The following RAP1GDS1 variants were observed in gnomAD, a reference collection of about 807,000 sequenced individuals.
The protein encoded by RAP1GDS1 is Rap1 GTPase-GDP dissociation stimulator 1.
In RAP1GDS1, 35 loss-of-function variants were observed where a neutral mutation model predicts 71.1. The ratio of observed to expected loss-of-function variants is 0.49; its 90% CI spans 0.38 to 0.65. The LOEUF is 0.65. Ranked by LOEUF, RAP1GDS1 falls within the 30% of genes least tolerant of loss-of-function variation. The probability of loss-of-function intolerance (pLI) is 0.00; values close to 1 mark genes in which losing one functional copy is unlikely to be tolerated. For synonymous variants in RAP1GDS1, 229 were observed against 243.1 expected, an observed-to-expected ratio of 0.94 and a Z score of 0.54; for missense variants, 663 against 706.1, an observed-to-expected ratio of 0.94 and a Z score of 0.69.
chr4:98,319,700 G>A (rs571008153), intron 2 of RAP1GDS1, among the ~76,000 whole-genome samples: 2 of 148,186 alleles, frequency 1.3e-5, no homozygotes, highest in South Asian at 2.1e-4. Flanking sequence ...GGAATCGCTT[G>A]AACTCGGTAG....
chr4:98,425,192 G>A (rs1749441825), intron 12 of RAP1GDS1, among the ~76,000 whole-genome samples: 1 of 152,120 alleles, frequency 6.6e-6, no homozygotes, highest in African/African-American at 2.4e-5. Flanking sequence ...AATACTGAGA[G>A]AATTCACCAC....
At chr4:98,292,273 A>G (rs1727069106) in intron 1 of RAP1GDS1, among the ~76,000 whole-genome samples, 2 of 151,938 alleles carry the variant, frequency 1.3e-5, no homozygotes, top group African/African-American at 4.8e-5. Flanking sequence ...GAATACAGGC[A>G]CATGCCACCA....
intron 7 of RAP1GDS1, among the ~76,000 whole-genome samples, chr4:98,412,493 C>T (rs537040438): frequency 6.6e-6 from 1 of 152,264 alleles, no homozygotes; most frequent in Non-Finnish European, 1.5e-5. Flanking sequence ...CCAGCCTGGG[C>T]AACGGAGCGA....
chr4:98,339,176 T>C (rs992390850), intron 2 of RAP1GDS1, among the ~76,000 whole-genome samples: 31 of 152,154 alleles, frequency 2.0e-4, no homozygotes, highest in African/African-American at 7.5e-4. Context: ...TCTGGCAGTG[T>C]CATAACTAAG....
In RAP1GDS1 at chr4:98,349,209, A is replaced by G. The variant is rs1225406359; in HGVS notation, c.236-3267A>G. 4.6e-5 allele frequency among the ~76,000 whole-genome samples: 7 copies of G among 152,302 alleles called. 1 individual carries two copies. Among genetic ancestry groups the G allele is most frequent in the African/African-American group, 1.4e-4 (6 of 41,576 alleles). On this transcript the variant is annotated intron_variant, in intron 3 of 14. Coordinates refer to ENST00000408927, the MANE Select transcript of RAP1GDS1 (RefSeq NM_001100427.2). ...ATGGCTAACCAGTTTTCCCAGCACCATTTGTTAAATAGGGAATCCTTTCCT... is the reference window on the plus strand; with the variant it reads ...ATGGCTAACCAGTTTTCCCAGCACCGTTTGTTAAATAGGGAATCCTTTCCT...
chr4:98,401,540 T>C (rs1207481252), intron 6 of RAP1GDS1, among the ~76,000 whole-genome samples: 1 of 152,176 alleles, frequency 6.6e-6, no homozygotes, highest in African/African-American at 2.4e-5. Flanking sequence ...CATGTATTTG[T>C]GAGGAAGAAG....
chr4:98,366,313 T>C (rs1454167899), intron 4 of RAP1GDS1, among the ~76,000 whole-genome samples: 1 of 152,172 alleles, frequency 6.6e-6, no homozygotes, highest in Admixed American at 6.5e-5. Flanking sequence ...AAGACATGAC[T>C]TGCTTCTCCT....
At position 98,308,295 on chromosome 4, in the gene RAP1GDS1, CACTA is replaced by C. The variant is rs1220461929; in HGVS notation, c.112+14781_112+14784del. ...CCACACACATATATATACACACACA[CACTA>C]TATATATATATATATATATATATAT... On this transcript the variant is annotated intron_variant, in intron 2 of 14. Transcript: ENST00000408927. 3.2e-3 allele frequency among the ~76,000 whole-genome samples: 233 copies of C among 72,102 alleles called. 2 individuals are homozygous for C. The highest frequency in any genetic ancestry group is 0.014 in the African/African-American group (228 of 16,762). 47.3% of individuals were successfully genotyped at this position (72,102 alleles called of 152,430 possible).
intron 12 of RAP1GDS1, among the ~76,000 whole-genome samples, chr4:98,427,485 G>T (rs1291986424): frequency 6.6e-6 from 1 of 152,056 alleles, no homozygotes; most frequent in Non-Finnish European, 1.5e-5. Flanking sequence ...CCTCCAAAAA[G>T]CTCCTAGAAC....
Position 98,416,738 on chromosome 4 carries a change from T to A in RAP1GDS1, c.764-7T>A, listed in dbSNP as rs1469179645. The A allele has an allele frequency of 6.3e-7, 1 of 1,589,590 alleles. No individual in the cohort carries two copies. The highest frequency in any genetic ancestry group is 8.6e-7 in the Non-Finnish European group (1 of 1,159,446). On this transcript the variant is annotated splice_region_variant and splice_polypyrimidine_tract_variant and intron_variant, in intron 7 of 14. Transcript: ENST00000408927. ...AGTTTGATTATTTTGTTCACGTTGT[T>A]CTTTAGATGCTATTAAACTACAGCT...
chr4:98,348,337 G>T (rs1736619785), intron 3 of RAP1GDS1, among the ~76,000 whole-genome samples: 1 of 152,138 alleles, frequency 6.6e-6, no homozygotes, highest in Non-Finnish European at 1.5e-5. Context: ...TGGTGTATAT[G>T]TGCCACATTT....
At chr4:98,343,089 T>C (rs769458653) in intron 2 of RAP1GDS1, 50 bp from the exon 3 acceptor site, 12 of 1,532,660 alleles carry the variant, frequency 7.8e-6, no homozygotes, top group South Asian at 7.4e-5. Context: ...TGGTTGTCAG[T>C]GTTAGCATTA....
intron 1 of RAP1GDS1, among the ~76,000 whole-genome samples, chr4:98,292,390 T>C (rs1202763092): frequency 6.6e-6 from 1 of 152,042 alleles, no homozygotes; most frequent in East Asian, 1.9e-4. Flanking sequence ...CACCTTGGCC[T>C]CCCAAAGTGA....
chr4:98,392,148 G>GAT, intron 6 of RAP1GDS1, 68 bp downstream of exon 6: 1 of 1,386,146 alleles, frequency 7.2e-7, no homozygotes, highest in Non-Finnish European at 9.8e-7. Flanking sequence ...TTTTTCTGTA[G>GAT]ATATTAAGAA....
chr4:98,439,865 T>C (rs549736873), intron 14 of RAP1GDS1, among the ~76,000 whole-genome samples: 1 of 152,356 alleles, frequency 6.6e-6, no homozygotes, highest in African/African-American at 2.4e-5. Flanking sequence ...GTTTTAACCA[T>C]TTTTAAGTAT....
chr4:98,299,833 T>G (rs1728314537), intron 2 of RAP1GDS1, among the ~76,000 whole-genome samples: 1 of 151,716 alleles, frequency 6.6e-6, no homozygotes, highest in Non-Finnish European at 1.5e-5. Flanking sequence ...ATTGGCCAGG[T>G]TGGTCTCGAA....
chr4:98,375,182 T>G (rs1254526995), intron 4 of RAP1GDS1, among the ~76,000 whole-genome samples: 3 of 152,134 alleles, frequency 2.0e-5, no homozygotes, highest in Non-Finnish European at 4.4e-5. Flanking sequence ...TTTTGCCTCT[T>G]TGTAGCTTCT....
At position 98,320,005 on chromosome 4, in the gene RAP1GDS1, A is replaced by G. The variant is rs76458901; in HGVS notation, c.113-23134A>G. On this transcript the variant is annotated intron_variant, in intron 2 of 14. Transcript: ENST00000408927. Reference sequence around the variant, plus strand: ...GACCGTGAGGATGAAGACTTTTATGATGATCCACTTCCACTTAATGAATAG... The same window carrying G: ...GACCGTGAGGATGAAGACTTTTATGGTGATCCACTTCCACTTAATGAATAG... Among the ~76,000 whole-genome samples, 578 of 152,226 alleles carry G rather than the reference A, an allele frequency of 3.8e-3. 5 individuals are homozygous for G. Among genetic ancestry groups the G allele is most frequent in the African/African-American group, 0.013 (553 of 41,546 alleles).
At chr4:98,429,512 G>A (rs1750104938) in intron 12 of RAP1GDS1, among the ~76,000 whole-genome samples, 1 of 152,200 alleles carries the variant, frequency 6.6e-6, no homozygotes, top group East Asian at 1.9e-4. Context: ...GGTGGGAAGG[G>A]GGTGAGGGAT....
Sources: gnomAD v4.1 joint callset for allele counts (sites outside exome capture counted in the v4.1 genomes callset) on GRCh38, gnomAD v4.1.1 for gene constraint, MANE v1.5 for transcripts, NCBI Gene and HGNC (gene_info 2026-07-23, HGNC 2026-07-21) for gene names.